Variants in SATB1 observed in about 807,000 individuals in gnomAD.
SATB1 encodes SATB homeobox 1.
Under a neutral mutation model 86.9 loss-of-function variants are expected in SATB1, and 11 were observed. That is an observed-to-expected ratio of 0.13 (90% CI 0.08 to 0.21). The LOEUF (loss-of-function observed/expected upper bound fraction) is 0.21. SATB1 is among the 10% of genes least tolerant of loss of function. SATB1 has a pLI of 1.00. For synonymous variants in SATB1, 357 were observed against 357.2 expected (o/e 1.00, Z 0.01); for missense variants, 551 against 937.6 (o/e 0.59, Z 5.39).
At chr3:18,413,979 C>T (rs1697994013) in intron 5 of SATB1, among the ~76,000 whole-genome samples, 1 of 152,054 alleles carries the variant, frequency 6.6e-6, no homozygotes, top group African/African-American at 2.4e-5. Context: ...ACCCAATAAT[C>T]TTCATAAGCC....
At chr3:18,429,550 T>C (rs914152465), upstream of SATB1, among the ~76,000 whole-genome samples, 1 of 152,216 alleles carries the variant, frequency 6.6e-6, no homozygotes, top group Admixed American at 6.5e-5. This position sits in a 1 kb window ranked among gnomAD's most constrained non-coding sequence, Gnocchi z 4.1. Flanking sequence ...TTGGAGGTCA[T>C]GGCATGGCAC....
chr3:18,394,853 T>G lies in SATB1; in HGVS notation c.815A>C (p.Gln272Pro). Residue 272 changes from glutamine to proline, a missense_variant, in exon 7 of 11, where the codon CAA becomes CCA. Physicochemically the swap from Gln to Pro is moderately conservative, Grantham distance 76. Coordinates refer to ENST00000338745, the MANE Select transcript of SATB1 (RefSeq NM_002971.6). This position sits in a 1 kb window ranked among gnomAD's most constrained non-coding sequence, Gnocchi z 5.9. ...CTCGGCTGTGTTCCCTGGAACTGGTTGCTGGCCAAAATTGACATGATTGGC... is the reference window on the plus strand; with the variant it reads ...CTCGGCTGTGTTCCCTGGAACTGGTGGCTGGCCAAAATTGACATGATTGGC... ...QGANHVNFGQ[Q>P]PVPGNTAEQP... The G allele has an allele frequency of 6.2e-7, 1 of 1,613,604 alleles. No homozygotes were observed. The highest frequency in any genetic ancestry group is 8.5e-7 in the Non-Finnish European group (1 of 1,179,786).
rs1367686187 is a variant in SATB1 at position 18,349,428 on chromosome 3, C to G, written c.2034G>C (p.Leu678=). ...LYPDEEAIQT[L]SAQLDLPKYT... Reference sequence around the variant, plus strand: ...ACTTGGGAAGGTCGAGCTGGGCAGACAGAGTCTGGATGGCCTCTTCGTCAG... The same window carrying G: ...ACTTGGGAAGGTCGAGCTGGGCAGAGAGAGTCTGGATGGCCTCTTCGTCAG... The change falls in exon 11 of 11, where the codon CTG becomes CTC. Residue 678 remains leucine, a synonymous_variant. Transcript: ENST00000338745. The surrounding 1 kb of genome is among the most constrained non-coding windows in gnomAD (Gnocchi z 5.5). 3 of 1,614,086 alleles carry G rather than the reference C, an allele frequency of 1.9e-6. No homozygotes were observed. The highest frequency in any genetic ancestry group is 2.7e-5 in the African/African-American group (2 of 74,928).
intron 5 of SATB1, among the ~76,000 whole-genome samples, chr3:18,408,176 G>C (rs1211735080): frequency 6.6e-6 from 1 of 151,944 alleles, no homozygotes; most frequent in African/African-American, 2.4e-5. Flanking sequence ...TTTTTTAAGA[G>C]AGAAAGATGA....
rs1192437108 is a variant in SATB1 at position 18,346,726 on chromosome 3, TTCA to T, written c.*2441_*2443del. 2.6e-5 allele frequency: 4 copies of T among 152,124 alleles called. No homozygotes were observed. Among genetic ancestry groups the T allele is most frequent in the African/African-American group, 7.2e-5 (3 of 41,438 alleles). 9.4% of individuals were successfully genotyped at this position (152,124 alleles called of 1,614,324 possible). ...TGATTACCAAACAAACATTCAAACATTCATCATTTCACTGAAAACACTATTTCA... is the reference window on the plus strand; with the variant it reads ...TGATTACCAAACAAACATTCAAACATTCATTTCACTGAAAACACTATTTCA... On this transcript the variant is annotated 3_prime_UTR_variant, in exon 11 of 11. Coordinates refer to ENST00000338745, the MANE Select transcript of SATB1 (RefSeq NM_002971.6).
At chr3:18,405,013 T>C (rs930495349) in intron 5 of SATB1, among the ~76,000 whole-genome samples, 3 of 151,980 alleles carry the variant, frequency 2.0e-5, no homozygotes, top group African/African-American at 7.2e-5. Context: ...GATTCAATTG[T>C]AACGCACATT....
chr3:18,425,629 G>A (rs1464984557), upstream of SATB1, among the ~76,000 whole-genome samples: 1 of 151,834 alleles, frequency 6.6e-6, no homozygotes, highest in East Asian at 1.9e-4. Flanking sequence ...GAGTGAGGCG[G>A]CCCGACATTT....
At chr3:18,373,487 A>G (rs553832400) in intron 9 of SATB1, among the ~76,000 whole-genome samples, 18 of 152,300 alleles carry the variant, frequency 1.2e-4, no homozygotes, top group African/African-American at 3.8e-4. Flanking sequence ...TTACTCCTGG[A>G]TTTTGTCACT....
chr3:18,407,087 C>A (rs560767777), intron 5 of SATB1, among the ~76,000 whole-genome samples: 18 of 152,094 alleles, frequency 1.2e-4, no homozygotes, highest in African/African-American at 3.9e-4. Context: ...AGGACAGAAC[C>A]TTGGGTGCTG....
chr3:18,385,406 A>C (rs9758869), intron 8 of SATB1, among the ~76,000 whole-genome samples: 92,968 of 151,882 alleles, frequency 0.61, 29,029 homozygotes, highest in East Asian at 0.93. Context: ...GAGGATCATG[A>C]GGTCAGGAGA....
chr3:18,372,410 G>A (rs1313482090), intron 9 of SATB1, among the ~76,000 whole-genome samples: 1 of 152,130 alleles, frequency 6.6e-6, no homozygotes, highest in East Asian at 1.9e-4. Context: ...TAAATTTATG[G>A]GGAAAAGGTG....
rs1379915697 is a variant in SATB1, at chr3:18,425,084, T to TGCCCCGCTCGGCTCCGC, written c.-1499_-1483dup. The TGCCCCGCTCGGCTCCGC allele has an allele frequency of 6.3e-6, 1 of 159,862 alleles. No individual in the cohort carries two copies. Among genetic ancestry groups the TGCCCCGCTCGGCTCCGC allele is most frequent in the African/African-American group, 2.4e-5 (1 of 41,360 alleles). 9.9% of individuals were successfully genotyped at this position (159,862 alleles called of 1,614,324 possible). ...CCGGCCGCTGTCGCTGCCGCCGCCG[T>TGCCCCGCTCGGCTCCGC]GCCCCGCTCGGCTCCGCGCGTCCGC... is the stretch of plus-strand genomic sequence containing the variant. On this transcript the variant is annotated 5_prime_UTR_variant, in exon 1 of 11. An upstream open reading frame in the 5' UTR loses its in-frame stop. Transcript: ENST00000338745.
chr3:18,412,815 G>T (rs976255978), intron 5 of SATB1, among the ~76,000 whole-genome samples: 1 of 151,878 alleles, frequency 6.6e-6, no homozygotes, highest in African/African-American at 2.4e-5. Flanking sequence ...ACATAATAAA[G>T]AAGCAAACAG....
intron 5 of SATB1, chr3:18,410,996 T>C (rs1053377884): frequency 1.0e-5 from 4 of 395,016 alleles, no homozygotes; most frequent in African/African-American, 8.3e-5. Flanking sequence ...TAGTTTCTTT[T>C]TAAAATTTAT....
chr3:18,418,070 C>T (rs1318689530), intron 2 of SATB1, among the ~76,000 whole-genome samples: 1 of 152,152 alleles, frequency 6.6e-6, no homozygotes, highest in Non-Finnish European at 1.5e-5. Context: ...GGGTTAAAAG[C>T]AGATGCATCT....
intron 2 of SATB1, among the ~76,000 whole-genome samples, chr3:18,431,560 G>A (rs34656249): frequency 0.036 from 5,418 of 152,274 alleles, 112 homozygotes; most frequent in Non-Finnish European, 0.054. Context: ...TGAGGATGAG[G>A]AGAAGACATT....
chr3:18,415,969 G>C (rs1295817949), intron 4 of SATB1, 38 bp downstream of exon 4: 38 of 1,530,114 alleles, frequency 2.5e-5, no homozygotes, highest in Non-Finnish European at 3.3e-5. Context: ...GACCAGGTAA[G>C]AAGAATGTTT....
intron 9 of SATB1, among the ~76,000 whole-genome samples, chr3:18,358,358 A>G (rs921400062): frequency 2.0e-5 from 3 of 152,052 alleles, no homozygotes; most frequent in Non-Finnish European, 2.9e-5. Flanking sequence ...AGATTATTCT[A>G]TAACATTATG....
chr3:18,346,285 A>C lies in SATB1; in HGVS notation c.*2885T>G, dbSNP rs909963148. 2 of 152,142 alleles carry C rather than the reference A, an allele frequency of 1.3e-5. No homozygotes were observed. Among genetic ancestry groups the C allele is most frequent in the African/African-American group, 4.8e-5 (2 of 41,446 alleles). The allele number at this position is 152,142 out of a possible 1,614,324, so 9.4% of individuals were successfully genotyped here. Reference sequence around the variant, plus strand: ...AGTGAAGGGAATCCATGACAGATTCAGATGCACAAGGTTGAATATTACCCG... The same window carrying C: ...AGTGAAGGGAATCCATGACAGATTCCGATGCACAAGGTTGAATATTACCCG... On this transcript the variant is annotated 3_prime_UTR_variant, in exon 11 of 11. Coordinates refer to ENST00000338745, the MANE Select transcript of SATB1 (RefSeq NM_002971.6).
Sources: allele counts gnomAD v4.1 joint callset (sites outside exome capture counted in the v4.1 genomes callset), GRCh38; gene constraint gnomAD v4.1.1; non-coding constraint Gnocchi (gnomAD v3.1); transcripts MANE v1.5; gene names NCBI Gene and HGNC (gene_info 2026-07-23, HGNC 2026-07-21).